The following SLC4A10 variants were observed in gnomAD, a reference collection of about 807,000 sequenced individuals.
SLC4A10 encodes solute carrier family 4 member 10.
In SLC4A10, 42 loss-of-function variants were observed where a neutral mutation model predicts 137.7. The ratio of observed to expected loss-of-function variants is 0.30; its 90% CI spans 0.24 to 0.39. SLC4A10 has a LOEUF of 0.39. Ranked by LOEUF, SLC4A10 falls within the 10% of genes least tolerant of loss-of-function variation. The pLI is 1.00. For missense variants in SLC4A10, 925 were observed against 1,355.0 expected, an observed-to-expected ratio of 0.68 and a Z score of 4.98; for synonymous variants, 474 against 464.1, an observed-to-expected ratio of 1.02 and a Z score of -0.27.
At chr2:161,926,398 T>G (rs1366517381) in intron 15 of SLC4A10, among the ~76,000 whole-genome samples, 1 of 116,492 alleles carries the variant, frequency 8.6e-6, no homozygotes, top group Non-Finnish European at 1.9e-5. Context: ...TTTTTTTTTT[T>G]TTTTTTTTTT....
intron 1 of SLC4A10, among the ~76,000 whole-genome samples, chr2:161,679,656 AT>A (rs1321105647): frequency 1.9e-5 from 2 of 104,376 alleles, no homozygotes; most frequent in African/African-American, 7.4e-5. Flanking sequence ...ATCTGCTTTT[AT>A]TTTTTTTTTA....
Position 161,624,557 on chromosome 2 carries a change from GCTGCC to G in SLC4A10, c.40_44del (p.Leu14TyrfsTer4). Reference sequence around the variant, plus strand: ...ACCAGGGAGCCCAAATGGAGCCGCTGCTGCCTACGGTAAGAGACAACCTGCTATCA... The same window carrying G: ...ACCAGGGAGCCCAAATGGAGCCGCTGTACGGTAAGAGACAACCTGCTATCA... On this transcript the variant is annotated frameshift_variant, in exon 1 of 27. Transcript: ENST00000446997. LOFTEE classifies it high-confidence loss of function. The G allele has an allele frequency of 6.4e-7, 1 of 1,553,296 alleles. No individual in the cohort carries two copies. The highest frequency in any genetic ancestry group is 1.2e-5 in the South Asian group (1 of 84,084).
At chr2:161,906,001 G>T in intron 15 of SLC4A10, 114 bp downstream of exon 15, 11 of 1,342,790 alleles carry the variant, frequency 8.2e-6, no homozygotes, top group Non-Finnish European at 5.0e-6. Context: ...GTTGATTCAT[G>T]ACCTAAATCC....
At chr2:161,733,146 A>G (rs993330523) in intron 1 of SLC4A10, among the ~76,000 whole-genome samples, 7 of 152,210 alleles carry the variant, frequency 4.6e-5, no homozygotes, top group Non-Finnish European at 7.3e-5. Flanking sequence ...AGTAATGAGG[A>G]GCCGCATGTT....
At chr2:161,684,748 C>G (rs1017486537) in intron 1 of SLC4A10, among the ~76,000 whole-genome samples, 5 of 152,260 alleles carry the variant, frequency 3.3e-5, no homozygotes, top group South Asian at 2.1e-4. Context: ...AAGTTTCTCT[C>G]TGTGTGTGTT....
Position 161,757,543 on chromosome 2 carries a change from T to G in SLC4A10, c.49-13430T>G, listed in dbSNP as rs180830968. ...ACTCTTCATAACCATAATATCCAAGTAAGTAACATAATCCCAATTTTGTAC... is the reference window on the plus strand; with the variant it reads ...ACTCTTCATAACCATAATATCCAAGGAAGTAACATAATCCCAATTTTGTAC... On this transcript the variant is annotated intron_variant, in intron 1 of 26. Transcript: ENST00000446997. Among the ~76,000 whole-genome samples, 115 of 152,224 alleles carry G rather than the reference T, an allele frequency of 7.6e-4. 3 individuals are homozygous for G. Among genetic ancestry groups the G allele is most frequent in the African/African-American group, 2.6e-3 (108 of 41,556 alleles).
intron 2 of SLC4A10, among the ~76,000 whole-genome samples, chr2:161,782,836 A>C (rs532007784): frequency 6.6e-5 from 10 of 150,940 alleles, no homozygotes; most frequent in Non-Finnish European, 1.2e-4. Flanking sequence ...GAATAAAAAA[A>C]GCTTAAAGGA....
Position 161,900,987 on chromosome 2 carries a change from G to C in SLC4A10, c.1418G>C (p.Gly473Ala). ...GEAEPHGGHS[G>A]PELQRTGRIF... is the part of the protein sequence containing the mutation. ...GCAGAGCCCCACGGAGGACATAGTG[G>C]ACCTGAACTCCAGCGAACTGGAAGG... Residue 473 changes from glycine (G) to alanine (A), a missense_variant, in exon 12 of 27, where the codon GGA (glycine) becomes GCA (alanine). Physicochemically the swap from Gly to Ala is moderately conservative, Grantham distance 60 (BLOSUM62 0). Coordinates refer to ENST00000446997, the MANE Select transcript of SLC4A10 (RefSeq NM_001178015.2). 1.3e-6 allele frequency: 2 copies of C among 1,567,304 alleles called. No individual in the cohort carries two copies. The highest frequency in any genetic ancestry group is 8.7e-7 in the Non-Finnish European group (1 of 1,155,376).
rs767849848 is a variant in SLC4A10, at chr2:161,904,175, T to C, written c.1614T>C (p.Arg538=). The C allele has an allele frequency of 3.7e-6, 6 of 1,608,460 alleles. No homozygotes were observed. Among genetic ancestry groups the C allele is most frequent in the Non-Finnish European group, 4.2e-6 (5 of 1,177,530 alleles). ...GGLLGEATEG[R]ISAIESLFGA... is the part of the protein sequence containing the mutation. Reference sequence around the variant, plus strand: ...TGCTGGGAGAAGCAACTGAAGGGCGTATAGTATGTATTATGCTTTTCTCTG... The same window carrying C: ...TGCTGGGAGAAGCAACTGAAGGGCGCATAGTATGTATTATGCTTTTCTCTG... Residue 538 remains arginine, a synonymous_variant, in exon 13 of 27, where the codon CGT becomes CGC. Transcript: ENST00000446997.
chr2:161,751,352 C>CTT (rs71889107), intron 1 of SLC4A10, among the ~76,000 whole-genome samples: 8 of 112,148 alleles, frequency 7.1e-5, no homozygotes, highest in South Asian at 2.7e-4. Context: ...TTGCATTTTG[C>CTT]TTTTTTTTTT....
chr2:161,966,066 G>A (rs1402807743), intron 23 of SLC4A10, among the ~76,000 whole-genome samples: 1 of 152,138 alleles, frequency 6.6e-6, no homozygotes, highest in Non-Finnish European at 1.5e-5. Flanking sequence ...TCAAACCATA[G>A]ATATATTTCC....
At chr2:161,881,111 C>T (rs548911121) in intron 9 of SLC4A10, among the ~76,000 whole-genome samples, 1 of 151,866 alleles carries the variant, frequency 6.6e-6, no homozygotes, top group Non-Finnish European at 1.5e-5. Context: ...GTTGGACAAA[C>T]AAAATAAAGA....
intron 1 of SLC4A10, among the ~76,000 whole-genome samples, chr2:161,766,880 C>T (rs1574854167): frequency 6.6e-6 from 1 of 151,246 alleles, no homozygotes; most frequent in African/African-American, 2.4e-5. Context: ...ATTGCAAACA[C>T]TTAGCCCTGA....
chr2:161,632,123 G>C (rs1289596561), intron 1 of SLC4A10, among the ~76,000 whole-genome samples: 1 of 151,632 alleles, frequency 6.6e-6, no homozygotes, highest in African/African-American at 2.4e-5. Context: ...AGGGAAGGCT[G>C]TTTCTTTCTA....
chr2:161,905,557 A>G (rs549636210), intron 14 of SLC4A10, 85 bp from the exon 15 acceptor site: 2 of 1,494,972 alleles, frequency 1.3e-6, no homozygotes, highest in African/African-American at 2.8e-5. Context: ...CACTTCCTGA[A>G]TGAGGTTTAT....
chr2:161,935,927 AC>A (rs1255466546), intron 15 of SLC4A10, among the ~76,000 whole-genome samples: 13 of 152,090 alleles, frequency 8.5e-5, no homozygotes, highest in African/African-American at 9.7e-5. Context: ...TGGGTTTATC[AC>A]ATGTGGTCTT....
At chr2:161,810,269 G>A (rs919129573) in intron 3 of SLC4A10, among the ~76,000 whole-genome samples, 1 of 151,966 alleles carries the variant, frequency 6.6e-6, no homozygotes, top group Admixed American at 6.6e-5. Context: ...TTTTGGTGGA[G>A]TCTTTAGGGT....
chr2:161,825,136 C>T (rs1276951935), intron 3 of SLC4A10, among the ~76,000 whole-genome samples: 4 of 152,120 alleles, frequency 2.6e-5, no homozygotes, highest in South Asian at 2.1e-4. Context: ...CATTAAGGCA[C>T]CTGGTCAACA....
intron 1 of SLC4A10, among the ~76,000 whole-genome samples, chr2:161,679,304 CAT>C (rs1361299424): frequency 6.6e-6 from 1 of 152,038 alleles, no homozygotes; most frequent in Non-Finnish European, 1.5e-5. Context: ...GGTAATAAAT[CAT>C]ATTTTGCTTA....
Sources: gnomAD v4.1 joint callset for allele counts (sites outside exome capture counted in the v4.1 genomes callset) on GRCh38, gnomAD v4.1.1 for gene constraint, MANE v1.5 for transcripts, NCBI Gene and HGNC (gene_info 2026-07-23, HGNC 2026-07-21) for gene names.